The following CLVS1 variants were observed in gnomAD, a reference collection of about 807,000 sequenced individuals.
The protein encoded by CLVS1 is clavesin 1, also known as clavesin-1.
Under a neutral mutation model 33.1 loss-of-function variants are expected in CLVS1, and 10 were observed. The ratio of observed to expected loss-of-function variants is 0.30; its 90% CI spans 0.19 to 0.51. CLVS1 has a LOEUF of 0.51. CLVS1 is among the 20% of genes least tolerant of loss of function. CLVS1 has a pLI of 0.97. For missense variants in CLVS1, 343 were observed against 433.4 expected (o/e 0.79, Z 1.85); for synonymous variants, 163 against 166.1 (o/e 0.98, Z 0.14).
At chr8:61,249,259 A>T (rs930540535) in intron 2 of CLVS1, among the ~76,000 whole-genome samples, 2 of 152,092 alleles carry the variant, frequency 1.3e-5, no homozygotes, top group Non-Finnish European at 2.9e-5. Context: ...CCCATCCTTT[A>T]TTATGGCCGT....
At chr8:61,001,551 T>C in the CLVS1 span, among the ~76,000 whole-genome samples, 1 of 152,232 alleles carries the variant, frequency 6.6e-6, no homozygotes, top group South Asian at 2.1e-4. Context: ...AATAACTGAA[T>C]CAAATATTAG....
In CLVS1 at chr8:61,185,613, T is replaced by G. The variant is rs1277577342; in HGVS notation, c.-152+53753T>G. On this transcript the variant is annotated intron_variant, in intron 2 of 2. Transcript: ENST00000522621. Reference sequence around the variant, plus strand: ...ATAAACTTTATGTATATTTCTGACTTTTTAAAATAATAAATTATTAGGAAT... The same window carrying G: ...ATAAACTTTATGTATATTTCTGACTGTTTAAAATAATAAATTATTAGGAAT... 2.0e-5 allele frequency among the ~76,000 whole-genome samples: 3 copies of G among 152,310 alleles called. No homozygotes were observed. The East Asian group carries it at 5.8e-4, about 29-fold the overall frequency.
the CLVS1 span, among the ~76,000 whole-genome samples, chr8:60,987,017 A>C: frequency 5.3e-5 from 8 of 152,250 alleles, no homozygotes; most frequent in African/African-American, 1.4e-4. Flanking sequence ...GCTGCCATTG[A>C]GTAGCCACTG....
At chr8:61,229,970 T>C (rs1348463702) in intron 2 of CLVS1, among the ~76,000 whole-genome samples, 1 of 152,204 alleles carries the variant, frequency 6.6e-6, no homozygotes, top group Non-Finnish European at 1.5e-5. Context: ...GTACTCTTAT[T>C]TGACGTTCAC....
intron 2 of CLVS1, among the ~76,000 whole-genome samples, chr8:61,343,524 T>C (rs1812099657): frequency 6.6e-6 from 1 of 152,236 alleles, no homozygotes; most frequent in Non-Finnish European, 1.5e-5. Flanking sequence ...GACAATGTAC[T>C]TGTACTACAT....
At chr8:61,192,528 T>C (rs1807510171) in intron 2 of CLVS1, among the ~76,000 whole-genome samples, 2 of 152,166 alleles carry the variant, frequency 1.3e-5, no homozygotes, top group South Asian at 4.1e-4. Context: ...TCAAATACGA[T>C]CTAATTAAAG....
chr8:60,986,681 T>C, the CLVS1 span, among the ~76,000 whole-genome samples: 2 of 152,238 alleles, frequency 1.3e-5, no homozygotes, highest in Non-Finnish European at 2.9e-5. Flanking sequence ...ATGGTAAACA[T>C]TACTCCCAAC....
chr8:61,402,377 A>G (rs1383084583), intron 3 of CLVS1, among the ~76,000 whole-genome samples: 1 of 151,810 alleles, frequency 6.6e-6, no homozygotes, highest in Non-Finnish European at 1.5e-5. Flanking sequence ...GGATCCTTAT[A>G]CTCCTCACCC....
chr8:61,005,591 G>A, the CLVS1 span, among the ~76,000 whole-genome samples: 1 of 152,172 alleles, frequency 6.6e-6, no homozygotes, highest in South Asian at 2.1e-4. Flanking sequence ...GTTATTCAAC[G>A]CTTCTCCGAA....
At chr8:61,132,660 G>C (rs556409278) in intron 2 of CLVS1, among the ~76,000 whole-genome samples, 2 of 152,312 alleles carry the variant, frequency 1.3e-5, no homozygotes, top group South Asian at 4.1e-4. Context: ...AGAACAGCCT[G>C]TCTCCTGGGA....
At chr8:61,017,938 A>G in the CLVS1 span, among the ~76,000 whole-genome samples, 1 of 152,238 alleles carries the variant, frequency 6.6e-6, no homozygotes, top group Non-Finnish European at 1.5e-5. Context: ...ACTTCACTGC[A>G]TGGTTGCATG....
intron 5 of CLVS1, among the ~76,000 whole-genome samples, chr8:61,480,500 G>T (rs1337606299): frequency 6.6e-6 from 1 of 152,140 alleles, no homozygotes; most frequent in African/African-American, 2.4e-5. Context: ...CTTTGACTAG[G>T]AAAGGGAATT....
At chr8:61,228,986 A>G (rs1808382157) in intron 2 of CLVS1, among the ~76,000 whole-genome samples, 1 of 152,192 alleles carries the variant, frequency 6.6e-6, no homozygotes, top group Non-Finnish European at 1.5e-5. Flanking sequence ...CATAATAGCT[A>G]TAGTAATTTA....
At chr8:61,165,285 C>A (rs555270623) in intron 2 of CLVS1, among the ~76,000 whole-genome samples, 1 of 152,282 alleles carries the variant, frequency 6.6e-6, no homozygotes, top group South Asian at 2.1e-4. Context: ...AAGCTCAGCT[C>A]GAGCCCTAAC....
intron 3 of CLVS1, among the ~76,000 whole-genome samples, chr8:61,413,691 A>G (rs534435305): frequency 6.6e-6 from 1 of 152,270 alleles, no homozygotes; most frequent in African/African-American, 2.4e-5. Flanking sequence ...AATTCCTTGT[A>G]TGGCTTGTGT....
intron 2 of CLVS1, among the ~76,000 whole-genome samples, chr8:61,326,706 A>G (rs956206183): frequency 6.6e-6 from 1 of 152,196 alleles, no homozygotes; most frequent in African/African-American, 2.4e-5. Flanking sequence ...TAGTTTTTGT[A>G]TTCTCTATGG....
chr8:61,057,550 A>G (rs763731224), intron 1 of CLVS1, among the ~76,000 whole-genome samples: 5 of 152,172 alleles, frequency 3.3e-5, no homozygotes, highest in Non-Finnish European at 7.3e-5. Context: ...ATGAGAATCA[A>G]TTATAATCCT....
intron 1 of CLVS1, among the ~76,000 whole-genome samples, chr8:61,073,222 A>G (rs976708850): frequency 2.0e-5 from 3 of 152,208 alleles, no homozygotes; most frequent in Non-Finnish European, 4.4e-5. Context: ...ATTACAATCT[A>G]CTTGGATACT....
rs868049877 is a variant in CLVS1 at position 61,380,851 on chromosome 8, A to G, written c.630+4072A>G. Among the ~76,000 whole-genome samples, 37 of 152,266 alleles carry G rather than the reference A, an allele frequency of 2.4e-4. No homozygotes were observed. In the South Asian group the frequency reaches 3.1e-3, roughly 13 times the overall value. On this transcript the variant is annotated intron_variant, in intron 3 of 5. Coordinates refer to ENST00000325897, the MANE Select transcript of CLVS1 (RefSeq NM_173519.3). ...AAATCACTGCAGCCCAGTGATTACA[A>G]TCAATGTACTGTGTTTATCAATGTT... is the stretch of plus-strand genomic sequence containing the variant.
Sources: gnomAD v4.1 joint callset for allele counts (sites outside exome capture counted in the v4.1 genomes callset) on GRCh38, gnomAD v4.1.1 for gene constraint, MANE v1.5 for transcripts, NCBI Gene and HGNC (gene_info 2026-07-23, HGNC 2026-07-21) for gene names.